Variants in DSE observed in about 807,000 individuals in gnomAD.
DSE encodes dermatan sulfate epimerase, also known as dermatan-sulfate epimerase.
DSE carries 36 observed loss-of-function variants against 84.4 expected under a neutral mutation model. The observed-to-expected ratio is 0.43, with a 90% CI of 0.33 to 0.56. The LOEUF (loss-of-function observed/expected upper bound fraction) is 0.56, where lower values mean the gene tolerates loss of function less well. Ranked by LOEUF, DSE falls within the 20% of genes least tolerant of loss-of-function variation. The pLI is 0.06. For missense variants in DSE, 862 were observed against 1,169.6 expected (o/e 0.74, Z 3.84); for synonymous variants, 410 against 430.1 (o/e 0.95, Z 0.58).
At chr6:116,322,529 A>G (rs1488311967) in intron 2 of DSE, among the ~76,000 whole-genome samples, 2 of 146,410 alleles carry the variant, frequency 1.4e-5, no homozygotes, top group Admixed American at 1.4e-4. Context: ...CTTCCCCACC[A>G]TCCCCAAAAT....
At chr6:116,403,099 A>G (rs1781696802) in intron 2 of DSE, among the ~76,000 whole-genome samples, 1 of 152,158 alleles carries the variant, frequency 6.6e-6, no homozygotes, top group African/African-American at 2.4e-5. Context: ...ATGCATTTTT[A>G]TTGTGTGTGT....
chr6:116,370,611 C>T (rs1779473445), upstream of DSE: 25 of 802,470 alleles, frequency 3.1e-5, no homozygotes, highest in Non-Finnish European at 3.5e-5. Context: ...ATTCTCGAAC[C>T]CGAAGCGTTT....
rs533460678 is a variant in DSE, at chr6:116,438,177, C to T, written c.*832C>T. 6.6e-6 allele frequency: 1 copy of T among 152,422 alleles called. No individual in the cohort carries two copies. Among genetic ancestry groups the T allele is most frequent in the African/African-American group, 2.4e-5 (1 of 41,490 alleles). 9.4% of individuals were successfully genotyped at this position (152,422 alleles called of 1,614,324 possible). A position where few individuals can be genotyped will look rare whatever the true frequency, so the allele number is the denominator to read the frequency against. On this transcript the variant is annotated 3_prime_UTR_variant, in exon 6 of 6. Coordinates refer to ENST00000644252, the MANE Select transcript of DSE (RefSeq NM_013352.4). The stretch of plus-strand genomic sequence containing the variant: ...TCTATTATGAATGTTGATTTTCATA[C>T]CAAAGAAGATGGAGAGTCTAAAATT...
chr6:116,412,986 T>G (rs1782479494), intron 2 of DSE, among the ~76,000 whole-genome samples: 1 of 152,102 alleles, frequency 6.6e-6, no homozygotes, highest in Non-Finnish European at 1.5e-5. Flanking sequence ...ATTACTTTGC[T>G]TAGGATAATG....
chr6:116,436,556 A>G lies in DSE; in HGVS notation c.2088A>G (p.Thr696=). Reference sequence around the variant, plus strand: ...CCACCAGCAAACATGCCTACGCCACATACCTGTGGACAGGTGAGGCCACAG... The same window carrying G: ...CCACCAGCAAACATGCCTACGCCACGTACCTGTGGACAGGTGAGGCCACAG... The part of the protein sequence containing the change: ...FIATSKHAYA[T]YLWTGEATGQ... The change falls in exon 6 of 6, where the codon ACA becomes ACG. Residue 696 remains threonine (T), a synonymous_variant. Coordinates refer to ENST00000644252, the MANE Select transcript of DSE (RefSeq NM_013352.4). 6.2e-7 allele frequency: 1 copy of G among 1,614,144 alleles called. No individual in the cohort carries two copies. The highest frequency in any genetic ancestry group is 8.5e-7 in the Non-Finnish European group (1 of 1,180,012).
At chr6:116,371,146 C>G (rs766659708) in intron 1 of DSE, 25 bp downstream of exon 1, 17 of 985,638 alleles carry the variant, frequency 1.7e-5, no homozygotes, top group African/African-American at 3.5e-5. Context: ...GCGCAAGGGA[C>G]GAGCTGGGGC....
chr6:116,430,812 A>T, intron 3 of DSE, 142 bp from the exon 4 acceptor site: 1 of 1,123,832 alleles, frequency 8.9e-7, no homozygotes, highest in Non-Finnish European at 1.2e-6. Context: ...GATGTTATTT[A>T]TACACTGACA....
upstream of DSE, among the ~76,000 whole-genome samples, chr6:116,369,492 A>T (rs978329372): frequency 2.0e-5 from 3 of 152,226 alleles, no homozygotes; most frequent in African/African-American, 7.2e-5. Flanking sequence ...CCTCTCCATA[A>T]CTGTTCAAAC....
In DSE at chr6:116,299,502, T is replaced by A. The variant is rs866697600; in HGVS notation, c.-54+40535T>A. On this transcript the variant is annotated intron_variant, in intron 2 of 3. Transcript: ENST00000430252. ...CATCCTGAAAGGCTTCTTGAATTAT[T>A]TTTATATATATATATATATATATAT... is the stretch of plus-strand genomic sequence containing the variant. 5.4e-3 allele frequency among the ~76,000 whole-genome samples: 257 copies of A among 47,470 alleles called. 7 individuals carry two copies. Among genetic ancestry groups the A allele is most frequent in the South Asian group, 9.3e-3 (9 of 968 alleles). 31.1% of individuals were successfully genotyped at this position (47,470 alleles called of 152,430 possible).
intron 2 of DSE, among the ~76,000 whole-genome samples, chr6:116,292,832 A>G (rs1231268095): frequency 6.6e-6 from 1 of 152,238 alleles, no homozygotes; most frequent in Non-Finnish European, 1.5e-5. Context: ...AAGATGTAAA[A>G]GAACATTGCA....
chr6:116,371,128 G>A lies in DSE; in HGVS notation c.-54+7G>A. ...GAAGCCTCGGCTGGGAGCGGTAAGT[G>A]GAGGGGCGCGCAAGGGACGAGCTGG... On this transcript the variant is annotated splice_region_variant and intron_variant, in intron 1 of 5. Transcript: ENST00000644252. 1 of 986,280 alleles carries A rather than the reference G, an allele frequency of 1.0e-6. No individual in the cohort carries two copies. Among genetic ancestry groups the A allele is most frequent in the Non-Finnish European group, 1.2e-6 (1 of 830,646 alleles). 61.1% of individuals were successfully genotyped at this position (986,280 alleles called of 1,614,324 possible). A position where few individuals can be genotyped will look rare whatever the true frequency, so the allele number is the denominator to read the frequency against.
chr6:116,427,215 T>C, intron 3 of DSE, among the ~76,000 whole-genome samples: 1 of 152,208 alleles, frequency 6.6e-6, no homozygotes, highest in East Asian at 1.9e-4. Context: ...CACACAGATG[T>C]GAATCATAAC....
intron 1 of DSE, among the ~76,000 whole-genome samples, chr6:116,374,413 G>C (rs1037779331): frequency 2.0e-5 from 3 of 152,104 alleles, no homozygotes; most frequent in African/African-American, 7.2e-5. Context: ...CTATTATTCT[G>C]TTTGCTGAGG....
At chr6:116,279,369 C>G in intron 2 of DSE, 1 of 1,612,316 alleles carries the variant, frequency 6.2e-7, no homozygotes, top group Non-Finnish European at 8.5e-7. Context: ...CTGTCTTCAC[C>G]TCCTCCGCCT....
upstream of DSE, chr6:116,369,926 G>T (rs537912194): frequency 1.6e-6 from 2 of 1,289,180 alleles, no homozygotes. Context: ...TCTAATGAAT[G>T]GGTAAGTATC....
At chr6:116,324,689 C>T (rs1776522160) in intron 2 of DSE, among the ~76,000 whole-genome samples, 1 of 152,176 alleles carries the variant, frequency 6.6e-6, no homozygotes, top group African/African-American at 2.4e-5. Flanking sequence ...TTCATTATCC[C>T]CTCTCATTGG....
chr6:116,437,283 C>A lies in DSE; in HGVS notation c.2815C>A (p.Leu939Ile), dbSNP rs764310789. ...LHGQRCLYAV[L>I]LIDSCILLWL... Reference sequence around the variant, plus strand: ...TGGCCAAAGATGTCTTTATGCAGTTCTTCTCATAGATAGCTGTATTTTATT... The same window carrying A: ...TGGCCAAAGATGTCTTTATGCAGTTATTCTCATAGATAGCTGTATTTTATT... The change falls in exon 6 of 6, where the codon CTT becomes ATT. Residue 939 changes from leucine to isoleucine, a missense_variant. Transcript: ENST00000644252. The A allele has an allele frequency of 6.2e-7, 1 of 1,613,992 alleles. No individual in the cohort carries two copies. Among genetic ancestry groups the A allele is most frequent in the Non-Finnish European group, 8.5e-7 (1 of 1,179,960 alleles).
At chr6:116,316,852 A>ATTATTATTATTC (rs1776013352) in intron 2 of DSE, among the ~76,000 whole-genome samples, 1 of 151,024 alleles carries the variant, frequency 6.6e-6, no homozygotes, top group Admixed American at 6.6e-5. Context: ...TATTATTATT[A>ATTATTATTATTC]CTGCTACTAC....
chr6:116,387,045 A>G (rs1432940242), intron 1 of DSE, among the ~76,000 whole-genome samples: 1 of 152,260 alleles, frequency 6.6e-6, no homozygotes, highest in Non-Finnish European at 1.5e-5. Context: ...ATTAGATTGC[A>G]TAAGTGAGGT....
Sources: gnomAD v4.1 joint callset for allele counts (sites outside exome capture counted in the v4.1 genomes callset) on GRCh38, gnomAD v4.1.1 for gene constraint, MANE v1.5 for transcripts, NCBI Gene and HGNC (gene_info 2026-07-23, HGNC 2026-07-21) for gene names.